RFX8: variants seen among roughly 807,000 people sequenced by gnomAD.
RFX8 encodes DNA-binding protein RFX8.
Under a neutral mutation model 54.6 loss-of-function variants are expected in RFX8, and 46 were observed. The observed-to-expected ratio is 0.84, with a 90% CI of 0.67 to 1.08. RFX8 has a LOEUF of 1.08. Among genes scored for constraint, RFX8 ranks in the 50% least tolerant of loss-of-function variants. The pLI, the probability that RFX8 is intolerant of heterozygous loss-of-function variation, is 0.00. For synonymous variants in RFX8, 192 were observed against 209.5 expected (o/e 0.92, Z 0.72); for missense variants, 536 against 562.3 (o/e 0.95, Z 0.47).
At chr2:101,424,755 C>T (rs567354077) in intron 2 of RFX8, among the ~76,000 whole-genome samples, 1 of 152,242 alleles carries the variant, frequency 6.6e-6, no homozygotes, top group East Asian at 1.9e-4. Context: ...TCTGAGCAAA[C>T]TATCGCAAGG....
At chr2:101,450,827 G>A in intron 2 of RFX8, 1 of 604,498 alleles carries the variant, frequency 1.7e-6, no homozygotes, top group Non-Finnish European at 2.9e-6. Context: ...TAATCCTTCA[G>A]TCTGACCAAG....
intron 9 of RFX8, 136 bp from the exon 10 acceptor site, chr2:101,406,193 C>T (rs538339350): frequency 2.2e-5 from 12 of 556,648 alleles, no homozygotes; most frequent in African/African-American, 3.8e-5. Flanking sequence ...ATAACAAAAG[C>T]GGGAACTGAG....
At chr2:101,469,032 G>T (rs11679186) in intron 1 of RFX8, among the ~76,000 whole-genome samples, 1,017 of 22,512 alleles carry the variant, frequency 0.045, 25 homozygotes, top group East Asian at 0.17. Context: ...ATATATATAC[G>T]TATATATATG....
chr2:101,429,657 C>T (rs1218083757), intron 2 of RFX8, among the ~76,000 whole-genome samples: 1 of 152,166 alleles, frequency 6.6e-6, no homozygotes, highest in East Asian at 1.9e-4. Flanking sequence ...CTCCCACGTC[C>T]CCGTCACTCA....
At chr2:101,399,859 G>T (rs1685332346) in intron 11 of RFX8, among the ~76,000 whole-genome samples, 1 of 152,158 alleles carries the variant, frequency 6.6e-6, no homozygotes, top group African/African-American at 2.4e-5. Context: ...TTAGTAATTA[G>T]TCCCAAGAGA....
chr2:101,456,261 T>C (rs146904177), intron 2 of RFX8, among the ~76,000 whole-genome samples: 3,062 of 152,158 alleles, frequency 0.02, 90 homozygotes, highest in African/African-American at 0.061. Context: ...TGAATAGGAG[T>C]GGTGAGAGAG....
chr2:101,411,084 T>C (rs992912295), intron 8 of RFX8, among the ~76,000 whole-genome samples: 1 of 152,244 alleles, frequency 6.6e-6, no homozygotes, highest in African/African-American at 2.4e-5. Flanking sequence ...GGTTTATTAA[T>C]GTCATTGAAG....
At chr2:101,467,027 T>A in intron 1 of RFX8, 127 bp from the exon 2 acceptor site, 2 of 627,588 alleles carry the variant, frequency 3.2e-6, no homozygotes, top group South Asian at 1.8e-5. Flanking sequence ...ATTTATTGGA[T>A]GAATCCCTGC....
At chr2:101,455,006 T>C (rs1414467287) in intron 2 of RFX8, among the ~76,000 whole-genome samples, 1 of 138,174 alleles carries the variant, frequency 7.2e-6, no homozygotes, top group Non-Finnish European at 1.6e-5. Flanking sequence ...GCCTAGGTTT[T>C]CTTTTTCTTT....
At chr2:101,465,850 G>T (rs534258217) in intron 2 of RFX8, among the ~76,000 whole-genome samples, 1 of 152,308 alleles carries the variant, frequency 6.6e-6, no homozygotes, top group African/African-American at 2.4e-5. Flanking sequence ...GAGGGACTGC[G>T]TTGCACCCTT....
intron 2 of RFX8, among the ~76,000 whole-genome samples, chr2:101,432,874 A>C (rs575828292): frequency 6.6e-6 from 1 of 152,320 alleles, no homozygotes; most frequent in South Asian, 2.1e-4. Context: ...ACAGAGCACA[A>C]GGCAGATCAT....
chr2:101,407,292 C>T (rs1051270277), intron 9 of RFX8, among the ~76,000 whole-genome samples: 7 of 152,240 alleles, frequency 4.6e-5, no homozygotes, highest in East Asian at 1.9e-4. Context: ...CAGTAGCATC[C>T]TCCTCCTCAG....
intron 2 of RFX8, among the ~76,000 whole-genome samples, chr2:101,462,334 G>A (rs1178389978): frequency 6.6e-6 from 1 of 152,178 alleles, no homozygotes; most frequent in African/African-American, 2.4e-5. Flanking sequence ...GGAGACTGAA[G>A]TGGGAGGCTT....
intron 2 of RFX8, among the ~76,000 whole-genome samples, chr2:101,451,690 A>C (rs1189558500): frequency 2.2e-3 from 1 of 454 alleles, no homozygotes; most frequent in Admixed American, 5.5e-3. Context: ...ACTCCGTCTC[A>C]AAAAAAAAAA....
chr2:101,446,178 T>C (rs974330519), intron 2 of RFX8, among the ~76,000 whole-genome samples: 2 of 152,158 alleles, frequency 1.3e-5, no homozygotes, highest in Non-Finnish European at 2.9e-5. Context: ...TGTTTTTGTT[T>C]TTTGTTATTC....
chr2:101,414,979 G>C lies in RFX8; in HGVS notation c.503-67C>G, dbSNP rs1686407915. The C allele has an allele frequency of 9.5e-6, 12 of 1,257,878 alleles. No homozygotes were observed. In the South Asian group the frequency reaches 1.6e-4, roughly 17 times the overall value. The allele number at this position is 1,257,878 out of a possible 1,614,324, so 77.9% of individuals were successfully genotyped here. A position where few individuals can be genotyped will look rare whatever the true frequency, so the allele number is the denominator to read the frequency against. On this transcript the variant is annotated intron_variant, in intron 6 of 11. Transcript: ENST00000428343. ...AAGTTCTCATGTGGGCAGTGGGGAA[G>C]AGAAGGTGCATGTTTGGGGTAGGAA...
chr2:101,461,951 C>T (rs1689305239), intron 2 of RFX8, among the ~76,000 whole-genome samples: 1 of 152,048 alleles, frequency 6.6e-6, no homozygotes, highest in Non-Finnish European at 1.5e-5. Context: ...ATGAATTTGT[C>T]TAAGAATACC....
intron 11 of RFX8, among the ~76,000 whole-genome samples, chr2:101,401,437 T>C (rs1391803994): frequency 1.3e-5 from 2 of 152,150 alleles, no homozygotes; most frequent in African/African-American, 2.4e-5. Context: ...ATGAAGAGTT[T>C]TAGGCTGTGA....
rs1685490715 is a variant in RFX8 at position 101,402,492 on chromosome 2, T to G, written c.1189A>C (p.Ser397Arg). The G allele has an allele frequency of 6.4e-7, 1 of 1,551,714 alleles. No individual in the cohort carries two copies. Among genetic ancestry groups the G allele is most frequent in the Non-Finnish European group, 8.7e-7 (1 of 1,146,986 alleles). Residue 397 changes from serine (S) to arginine (R), a missense_variant, in exon 11 of 12, where the codon AGC (serine) becomes CGC (arginine). By Grantham distance (110) the Ser-to-Arg change is moderately radical (BLOSUM62 -1). Transcript: ENST00000428343. Reference sequence around the variant, plus strand: ...CCCAGGATCCTGAGGACCATGTTGCTCACACCCACGGGATATCGGCCCTGG... The same window carrying G: ...CCCAGGATCCTGAGGACCATGTTGCGCACACCCACGGGATATCGGCCCTGG... ...MGQGRYPVGVSNMVLRILGFL... is the reference protein window; with the variant it reads ...MGQGRYPVGVRNMVLRILGFL...
Sources: allele counts gnomAD v4.1 joint callset (sites outside exome capture counted in the v4.1 genomes callset), GRCh38; gene constraint gnomAD v4.1.1; transcripts MANE v1.5; gene names NCBI Gene and HGNC (gene_info 2026-07-23, HGNC 2026-07-21).